GRHL1: variants seen among roughly 807,000 people sequenced by gnomAD.
GRHL1 encodes the protein grainyhead-like protein 1 homolog.
Under a neutral mutation model 75.7 loss-of-function variants are expected in GRHL1, and 38 were observed. The observed-to-expected ratio is 0.50, with a 90% CI of 0.39 to 0.66. GRHL1 has a LOEUF of 0.66. Among genes scored for constraint, GRHL1 ranks in the 30% least tolerant of loss-of-function variants. GRHL1 has a pLI of 0.00. For missense variants in GRHL1, 589 were observed against 767.5 expected, an observed-to-expected ratio of 0.77 and a Z score of 2.75; for synonymous variants, 266 against 279.4, an observed-to-expected ratio of 0.95 and a Z score of 0.48.
intron 8 of GRHL1, among the ~76,000 whole-genome samples, chr2:9,981,332 A>G (rs573776772): frequency 6.6e-6 from 1 of 152,218 alleles, no homozygotes; most frequent in Non-Finnish European, 1.5e-5. Context: ...CACACACTGG[A>G]TGTCTTGCCA....
intron 4 of GRHL1, 23 bp downstream of exon 4, chr2:9,961,459 C>T (rs748189809): frequency 6.3e-7 from 1 of 1,578,136 alleles, no homozygotes. Context: ...AAACATCTTC[C>T]TAAGACGCCT....
chr2:9,991,162 T>C (rs1572384974), intron 10 of GRHL1, among the ~76,000 whole-genome samples: 1 of 152,212 alleles, frequency 6.6e-6, no homozygotes, highest in South Asian at 2.1e-4. Context: ...GTATCTAAAG[T>C]ATAGTATTTT....
Position 9,968,715 on chromosome 2 carries a change from C to G in GRHL1, c.1110+3334C>G, listed in dbSNP as rs961825377. Among the ~76,000 whole-genome samples the G allele has an allele frequency of 3.3e-4, 50 of 152,266 alleles. No individual in the cohort carries two copies. Among genetic ancestry groups the G allele is most frequent in the African/African-American group, 1.1e-3 (45 of 41,562 alleles). ...TAGGAGCTGAGGGGAGGGGTGCATACAGCGAGATGGGAGAAAGATACACAT... is the reference window on the plus strand; with the variant it reads ...TAGGAGCTGAGGGGAGGGGTGCATAGAGCGAGATGGGAGAAAGATACACAT... On this transcript the variant is annotated intron_variant, in intron 8 of 15. Transcript: ENST00000324907. This position sits in a 1 kb window ranked among gnomAD's most constrained non-coding sequence, Gnocchi z 4.7.
rs372514213 is a variant in GRHL1, at chr2:9,995,950, G to A, written c.1571G>A (p.Arg524Gln). Residue 524 changes from arginine (R) to glutamine (Q), a missense_variant, in exon 13 of 16, where the codon CGG becomes CAG. Physicochemically the swap from Arg to Gln is conservative, Grantham distance 43. Around this residue, in one of 5 missense-constraint regions of GRHL1, gnomAD observed 192 missense variants for 226.6 expected, o/e 0.85. Transcript: ENST00000324907. The part of the protein sequence containing the change: ...FAVPPSTKLA[R>Q]IEEPKRVLLY... Reference sequence around the variant, plus strand: ...GTCCCTCCTTCTACCAAGCTGGCCCGGATAGAAGAACCAAAGAGAGGTGTG... The same window carrying A: ...GTCCCTCCTTCTACCAAGCTGGCCCAGATAGAAGAACCAAAGAGAGGTGTG... The A allele has an allele frequency of 2.0e-5, 32 of 1,606,414 alleles. No homozygotes were observed. Among genetic ancestry groups the A allele is most frequent in the Non-Finnish European group, 2.6e-5 (30 of 1,172,894 alleles).
chr2:9,982,019 G>C (rs1319497466), intron 8 of GRHL1, among the ~76,000 whole-genome samples: 4 of 152,158 alleles, frequency 2.6e-5, no homozygotes, highest in Non-Finnish European at 4.4e-5. Context: ...GTTTATTTTT[G>C]TGGTTAATAT....
At chr2:9,954,799 C>G in intron 1 of GRHL1, 116 bp from the exon 2 acceptor site, 2 of 889,696 alleles carry the variant, frequency 2.2e-6, no homozygotes, top group Non-Finnish European at 3.6e-6. Flanking sequence ...ATTTGACTTC[C>G]TAGGGTCATT....
intron 1 of GRHL1, among the ~76,000 whole-genome samples, chr2:9,954,374 A>G (rs1666920060): frequency 6.6e-6 from 1 of 152,110 alleles, no homozygotes; most frequent in Admixed American, 6.5e-5. Context: ...TGGCTTTCTC[A>G]TATACCCTGG....
At chr2:9,959,715 CTT>C (rs1667186447) in intron 3 of GRHL1, 1 of 152,236 alleles carries the variant, frequency 6.6e-6, no homozygotes, top group Non-Finnish European at 1.5e-5. Context: ...CACAATTCCT[CTT>C]GTTTGATTTG....
Position 9,962,483 on chromosome 2 carries a change from G to A in GRHL1, c.698G>A (p.Arg233Gln), listed in dbSNP as rs931819940. The change falls in exon 5 of 16, where the codon CGG becomes CAG. Residue 233 changes from arginine (R) to glutamine (Q), a missense_variant. Physicochemically the swap from Arg to Gln is conservative, Grantham distance 43 (BLOSUM62 1). Transcript: ENST00000324907. ...EVFFPSDLSL[R>Q]MPGMNSEDYV... ...TTCTTCCCCTCGGATCTCAGTCTGCGGATGCCTGGCATGAATTCAGAGGAC... is the reference window on the plus strand; with the variant it reads ...TTCTTCCCCTCGGATCTCAGTCTGCAGATGCCTGGCATGAATTCAGAGGAC... The A allele has an allele frequency of 5.0e-6, 8 of 1,603,344 alleles. No homozygotes were observed. Among genetic ancestry groups the A allele is most frequent in the East Asian group, 4.5e-5 (2 of 44,820 alleles).
intron 8 of GRHL1, among the ~76,000 whole-genome samples, chr2:9,969,381 G>A (rs991586403): frequency 4.6e-5 from 7 of 152,124 alleles, no homozygotes; most frequent in African/African-American, 1.4e-4. Context: ...CTTGGTGCTT[G>A]GACATCCAAA....
At chr2:9,993,551 C>G (rs2125243739) in intron 12 of GRHL1, among the ~76,000 whole-genome samples, 1 of 152,348 alleles carries the variant, frequency 6.6e-6, no homozygotes, top group Middle Eastern at 3.4e-3. Flanking sequence ...TGTTGATCTT[C>G]TTCAGTCTAG....
chr2:9,995,021 T>C (rs1028038384), intron 12 of GRHL1, among the ~76,000 whole-genome samples: 2 of 152,160 alleles, frequency 1.3e-5, no homozygotes, highest in African/African-American at 4.8e-5. Context: ...CAACACACTT[T>C]GGGTACCACA....
rs1221818435 is a variant in GRHL1 at position 9,987,816 on chromosome 2, C to T, written c.1269+1534C>T. On this transcript the variant is annotated intron_variant, in intron 9 of 15. Transcript: ENST00000324907. This position sits in a 1 kb window ranked among gnomAD's most constrained non-coding sequence, Gnocchi z 4.2. ...GAGCAACCGTGGATGAGTGGACATT[C>T]CATTGAACTAAGACAGCAAGATCTT... Among the ~76,000 whole-genome samples the T allele has an allele frequency of 3.9e-5, 6 of 152,120 alleles. No homozygotes were observed. The highest frequency in any genetic ancestry group is 2.4e-5 in the African/African-American group (1 of 41,424).
intron 8 of GRHL1, among the ~76,000 whole-genome samples, chr2:9,978,129 G>A (rs1460908227): frequency 2.0e-5 from 3 of 152,204 alleles, no homozygotes. Context: ...CCCTCAACAC[G>A]TGGGAGTTAT....
chr2:9,984,587 G>A (rs78252695), intron 8 of GRHL1, among the ~76,000 whole-genome samples: 4,102 of 152,226 alleles, frequency 0.027, 179 homozygotes, highest in African/African-American at 0.092. Flanking sequence ...GAAAATGTGC[G>A]GGAGATAACT....
At chr2:9,955,811 T>G (rs1438987653) in intron 2 of GRHL1, among the ~76,000 whole-genome samples, 2 of 152,244 alleles carry the variant, frequency 1.3e-5, no homozygotes, top group African/African-American at 2.4e-5. Flanking sequence ...GCCACTGTCT[T>G]TCTAATGCAG....
At chr2:9,996,535 G>A (rs550293913) in intron 14 of GRHL1, 134 bp downstream of exon 14, 65 of 669,476 alleles carry the variant, frequency 9.7e-5, no homozygotes, top group Non-Finnish European at 1.4e-4. Context: ...TTCTCGAGTC[G>A]TCGTGCGTCC....
At chr2:9,984,424 A>G (rs1371033983) in intron 8 of GRHL1, among the ~76,000 whole-genome samples, 1 of 152,226 alleles carries the variant, frequency 6.6e-6, no homozygotes, top group Non-Finnish European at 1.5e-5. Context: ...TTCTAAAACT[A>G]GTTGAAAGGG....
chr2:9,964,422 G>A, intron 7 of GRHL1, 76 bp downstream of exon 7: 2 of 781,088 alleles, frequency 2.6e-6, no homozygotes, highest in Non-Finnish European at 4.3e-6. Flanking sequence ...ATTTTTGGCA[G>A]TGATCAGCTT....
Sources: allele counts gnomAD v4.1 joint callset (sites outside exome capture counted in the v4.1 genomes callset), GRCh38; gene constraint gnomAD v4.1.1; regional missense constraint gnomAD v4.1.1; non-coding constraint Gnocchi (gnomAD v3.1); transcripts MANE v1.5; gene names NCBI Gene and HGNC (gene_info 2026-07-23, HGNC 2026-07-21).